IL1RAPL1: variants seen among roughly 807,000 people sequenced by gnomAD.
IL1RAPL1 encodes interleukin-1 receptor accessory protein-like 1.
Under a neutral mutation model 48.4 loss-of-function variants are expected in IL1RAPL1, and 3 were observed. The ratio of observed to expected loss-of-function variants is 0.06; its 90% CI spans 0.03 to 0.16. The LOEUF (loss-of-function observed/expected upper bound fraction) is 0.16. Ranked by LOEUF, IL1RAPL1 falls within the 10% of genes least tolerant of loss-of-function variation. IL1RAPL1 has a pLI of 1.00. For synonymous variants in IL1RAPL1, 185 were observed against 187.7 expected (o/e 0.99, Z 0.12); for missense variants, 349 against 530.6 (o/e 0.66, Z 3.36).
intron 6 of IL1RAPL1, among the ~76,000 whole-genome samples, chrX:29,749,786 G>A (rs1928417256): frequency 8.9e-6 from 1 of 112,233 alleles, no homozygotes; most frequent in African/African-American, 3.2e-5. Flanking sequence ...ATTCTATGTG[G>A]TGGCTGACAC....
At chrX:28,803,664 T>C (rs980384302) in intron 2 of IL1RAPL1, among the ~76,000 whole-genome samples, 1 of 112,151 alleles carries the variant, frequency 8.9e-6, no homozygotes, top group South Asian at 3.7e-4. Context: ...TTTCCTGTTA[T>C]GAGCACTCAT....
chrX:29,210,715 G>A (rs763722646), intron 2 of IL1RAPL1, among the ~76,000 whole-genome samples: 3 of 111,456 alleles, frequency 2.7e-5, no homozygotes, highest in Non-Finnish European at 5.6e-5. Context: ...GTCATTCCAG[G>A]TGCAACTTAA....
At chrX:29,448,445 CTGTT>C (rs1934636863) in intron 5 of IL1RAPL1, among the ~76,000 whole-genome samples, 1 of 111,845 alleles carries the variant, frequency 8.9e-6, no homozygotes, top group South Asian at 3.7e-4. Context: ...CAACATTAAT[CTGTT>C]GATTGAAATA....
At chrX:29,591,573 G>A (rs778647696) in intron 5 of IL1RAPL1, among the ~76,000 whole-genome samples, 27 of 111,861 alleles carry the variant, frequency 2.4e-4, no homozygotes, top group African/African-American at 7.8e-4. Context: ...TTCCTCTGCC[G>A]GGCACTCTCC....
intron 5 of IL1RAPL1, among the ~76,000 whole-genome samples, chrX:29,606,519 G>C (rs1022013942): frequency 2.7e-5 from 3 of 112,088 alleles, no homozygotes; most frequent in Non-Finnish European, 5.6e-5. Flanking sequence ...AACAACTGAT[G>C]TGGCTACTGT....
intron 3 of IL1RAPL1, among the ~76,000 whole-genome samples, chrX:29,352,021 T>C (rs775882236): frequency 3.6e-5 from 4 of 112,320 alleles, no homozygotes; most frequent in Non-Finnish European, 1.9e-5. Context: ...ATATTATTTA[T>C]TATATTTTTC....
intron 5 of IL1RAPL1, among the ~76,000 whole-genome samples, chrX:29,426,529 G>A (rs1282131271): frequency 9.0e-6 from 1 of 111,258 alleles, no homozygotes; most frequent in East Asian, 2.8e-4. Context: ...GACTACTCAA[G>A]GGCAGCTGTG....
intron 1 of IL1RAPL1, chrX:28,659,604 G>A: frequency 2.5e-6 from 1 of 401,592 alleles, no homozygotes; most frequent in Non-Finnish European, 4.4e-6. Context: ...GTGGCGCGGC[G>A]GCGGCTGCGA....
At chrX:29,190,562 T>G (rs868694139) in intron 2 of IL1RAPL1, among the ~76,000 whole-genome samples, 17 of 112,261 alleles carry the variant, frequency 1.5e-4, no homozygotes, top group Middle Eastern at 9.3e-3. Context: ...ATGTTGCCCA[T>G]TTGTATATTC....
intron 3 of IL1RAPL1, among the ~76,000 whole-genome samples, chrX:29,303,589 G>A (rs892217532): frequency 3.6e-5 from 4 of 111,295 alleles, no homozygotes; most frequent in African/African-American, 1.3e-4. Context: ...CTCTCAGAGC[G>A]TCTCATGAAA....
chrX:29,414,969 A>G (rs1569306388), intron 5 of IL1RAPL1, among the ~76,000 whole-genome samples: 1 of 111,920 alleles, frequency 8.9e-6, no homozygotes, highest in Non-Finnish European at 1.9e-5. Flanking sequence ...CATCAAATCA[A>G]AGATTGAAAA....
chrX:29,759,998 T>C (rs1308138540), intron 6 of IL1RAPL1, among the ~76,000 whole-genome samples: 3 of 111,972 alleles, frequency 2.7e-5, no homozygotes, highest in Non-Finnish European at 5.6e-5. Context: ...CATAAATTTC[T>C]AAGATTTACT....
chrX:29,434,660 A>G (rs1602233425), intron 5 of IL1RAPL1, among the ~76,000 whole-genome samples: 1 of 111,308 alleles, frequency 9.0e-6, no homozygotes, highest in African/African-American at 3.2e-5. Flanking sequence ...ATGAAGGCCA[A>G]TAATTATGCT....
intron 1 of IL1RAPL1, among the ~76,000 whole-genome samples, chrX:28,781,296 A>G (rs1198051646): frequency 9.5e-6 from 1 of 105,166 alleles, no homozygotes; most frequent in African/African-American, 3.5e-5. Flanking sequence ...TTTTTTTTTT[A>G]TTTATTTTTA....
intron 5 of IL1RAPL1, among the ~76,000 whole-genome samples, chrX:29,514,567 G>C (rs1390518569): frequency 8.9e-6 from 1 of 112,013 alleles, no homozygotes; most frequent in Non-Finnish European, 1.9e-5. Flanking sequence ...TCATGCCTCA[G>C]CATCCCCAGT....
intron 2 of IL1RAPL1, among the ~76,000 whole-genome samples, chrX:29,273,743 G>A (rs1013288100): frequency 2.7e-5 from 3 of 110,545 alleles, no homozygotes; most frequent in Non-Finnish European, 5.7e-5. Context: ...ACTTGCAGAG[G>A]CAGGGTTTCC....
At chrX:29,095,770 G>A (rs1377365214) in intron 2 of IL1RAPL1, among the ~76,000 whole-genome samples, 1 of 69,790 alleles carries the variant, frequency 1.4e-5, no homozygotes, top group Non-Finnish European at 3.1e-5. Flanking sequence ...TACTGCATTT[G>A]CCTTTTTTTT....
At chrX:28,955,290 A>AT (rs1179762405) in intron 2 of IL1RAPL1, among the ~76,000 whole-genome samples, 2 of 111,119 alleles carry the variant, frequency 1.8e-5, no homozygotes, top group East Asian at 2.8e-4. Context: ...GATTTGTGCT[A>AT]TTTTTTTGTT....
chrX:29,313,286 TGC>T (rs35752614), intron 3 of IL1RAPL1, among the ~76,000 whole-genome samples: 1,643 of 96,684 alleles, frequency 0.017, 22 homozygotes, highest in East Asian at 0.045. Context: ...TGTGTGTGTG[TGC>T]GCGCGCACAT....
Sources: allele counts gnomAD v4.1 joint callset (sites outside exome capture counted in the v4.1 genomes callset), GRCh38; gene constraint gnomAD v4.1.1; transcripts MANE v1.5; gene names NCBI Gene and HGNC (gene_info 2026-07-23, HGNC 2026-07-21).